Variants in NRXN3 observed in about 807,000 individuals in gnomAD.
NRXN3 encodes the protein neurexin 3, also known as neurexin III.
Under a neutral mutation model 137.6 loss-of-function variants are expected in NRXN3, and 32 were observed. The observed-to-expected ratio is 0.23, with a 90% CI of 0.18 to 0.31. The LOEUF (loss-of-function observed/expected upper bound fraction) is 0.31. Among genes scored for constraint, NRXN3 ranks in the 10% least tolerant of loss-of-function variants. The pLI is 1.00. For synonymous variants in NRXN3, 798 were observed against 784.5 expected (o/e 1.02, Z -0.29); for missense variants, 1,574 against 2,062.5 (o/e 0.76, Z 4.59).
intron 19 of NRXN3, among the ~76,000 whole-genome samples, chr14:79,726,829 G>A (rs2098892936): frequency 6.6e-6 from 1 of 152,120 alleles, no homozygotes; most frequent in South Asian, 2.1e-4. Flanking sequence ...GGTTCATATA[G>A]TATGACAGTT....
intron 5 of NRXN3, among the ~76,000 whole-genome samples, chr14:78,649,840 T>G (rs1048834065): frequency 6.6e-6 from 1 of 152,100 alleles, no homozygotes; most frequent in Non-Finnish European, 1.5e-5. Flanking sequence ...TTACCCTTCT[T>G]TTACTTTACT....
At chr14:79,537,504 T>A (rs1256407030) in intron 16 of NRXN3, among the ~76,000 whole-genome samples, 2 of 152,104 alleles carry the variant, frequency 1.3e-5, no homozygotes, top group Non-Finnish European at 2.9e-5. Flanking sequence ...TGTGTTCTCA[T>A]TGTTCAATTC....
At chr14:79,234,326 AT>A (rs1170673503) in intron 15 of NRXN3, among the ~76,000 whole-genome samples, 27 of 111,696 alleles carry the variant, frequency 2.4e-4, no homozygotes, top group South Asian at 2.0e-3. Flanking sequence ...ATATATATAT[AT>A]ATATATATAT....
At chr14:79,610,616 A>C (rs2098086919) in intron 16 of NRXN3, among the ~76,000 whole-genome samples, 1 of 152,206 alleles carries the variant, frequency 6.6e-6, no homozygotes, top group Admixed American at 6.5e-5. Flanking sequence ...ATAATATTTC[A>C]TACTTACAGG....
At chr14:78,797,329 A>G (rs1457351664) in intron 8 of NRXN3, among the ~76,000 whole-genome samples, 1 of 152,194 alleles carries the variant, frequency 6.6e-6, no homozygotes, top group Admixed American at 6.5e-5. Context: ...AAATTAGGAG[A>G]ATGCAAATAA....
chr14:79,582,578 G>A (rs899397231), intron 16 of NRXN3, among the ~76,000 whole-genome samples: 18 of 151,756 alleles, frequency 1.2e-4, no homozygotes, highest in South Asian at 6.3e-4. Flanking sequence ...GTGCCACCAC[G>A]CCCAGCAATT....
At chr14:79,209,756 G>T (rs957738628) in intron 15 of NRXN3, among the ~76,000 whole-genome samples, 1 of 152,192 alleles carries the variant, frequency 6.6e-6, no homozygotes, top group African/African-American at 2.4e-5. Context: ...GCACATGAAA[G>T]ATGTCTATAT....
At chr14:79,677,483 T>C (rs1445918177) in intron 17 of NRXN3, among the ~76,000 whole-genome samples, 3 of 152,084 alleles carry the variant, frequency 2.0e-5, no homozygotes, top group Non-Finnish European at 4.4e-5. Context: ...AATGAATAGC[T>C]GGATTAGTTT....
At chr14:78,717,564 A>G (rs1375812482) in intron 8 of NRXN3, among the ~76,000 whole-genome samples, 1 of 150,622 alleles carries the variant, frequency 6.6e-6, no homozygotes, top group East Asian at 1.9e-4. Flanking sequence ...AAATTATAGG[A>G]CTCTTCTCTG....
chr14:78,397,785 G>A (rs1266808621), intron 4 of NRXN3, among the ~76,000 whole-genome samples: 1 of 151,552 alleles, frequency 6.6e-6, no homozygotes. Context: ...TGTATTTTTA[G>A]TAGAGACAGG....
intron 15 of NRXN3, among the ~76,000 whole-genome samples, chr14:79,228,180 T>A (rs929469854): frequency 6.6e-6 from 1 of 152,152 alleles, no homozygotes; most frequent in Non-Finnish European, 1.5e-5. Context: ...TGACAGTTCT[T>A]GAGAGATAGC....
rs2093790829 is a variant in NRXN3, at chr14:78,429,427, C to A, written c.757+131567C>A. Among the ~76,000 whole-genome samples, 6 of 152,284 alleles carry A rather than the reference C, an allele frequency of 3.9e-5. No homozygotes were observed. In the South Asian group the frequency reaches 1.2e-3, roughly 32 times the overall value. ...CATGTGCTAGATATTGTTAGTTCCT[C>A]AGCTTTCTTCTTTTTAGTGTGGATA... On this transcript the variant is annotated intron_variant, in intron 4 of 20. Transcript: ENST00000335750.
At chr14:78,933,221 G>A (rs942254695) in intron 10 of NRXN3, among the ~76,000 whole-genome samples, 2 of 152,198 alleles carry the variant, frequency 1.3e-5, no homozygotes, top group Non-Finnish European at 2.9e-5. Context: ...ACAGAATGTG[G>A]CTCATAGTTG....
At chr14:79,446,527 C>T (rs1035407360) in intron 15 of NRXN3, among the ~76,000 whole-genome samples, 3 of 151,962 alleles carry the variant, frequency 2.0e-5, no homozygotes, top group African/African-American at 7.2e-5. Context: ...AAAACTTATC[C>T]TGTAAAGAAG....
At chr14:79,741,843 G>A (rs377584095) in intron 19 of NRXN3, among the ~76,000 whole-genome samples, 16 of 151,110 alleles carry the variant, frequency 1.1e-4, no homozygotes, top group Admixed American at 2.6e-4. Flanking sequence ...GTATGTATAC[G>A]TATATATCTG....
intron 4 of NRXN3, among the ~76,000 whole-genome samples, chr14:78,343,409 T>C (rs2082356246): frequency 6.6e-6 from 1 of 152,240 alleles, no homozygotes; most frequent in Non-Finnish European, 1.5e-5. Flanking sequence ...TCGCTCATGT[T>C]CTACCTTCCT....
chr14:78,607,042 A>G (rs932136214), intron 4 of NRXN3, among the ~76,000 whole-genome samples: 1 of 152,144 alleles, frequency 6.6e-6, no homozygotes, highest in Non-Finnish European at 1.5e-5. Context: ...CATAATTTCT[A>G]TGATCACAGC....
rs74639731 is a variant in NRXN3, at chr14:78,632,653, A to G, written c.758-12467A>G. 8.3e-3 allele frequency among the ~76,000 whole-genome samples: 1,262 copies of G among 152,302 alleles called. 85 individuals carry two copies. The East Asian group carries it at 0.18, about 22-fold the overall frequency. ...AAATGGGCTAGTAAAACTTTATTTC[A>G]CAGGGCTTTTGTGAGGGATAAATAA... On this transcript the variant is annotated intron_variant, in intron 4 of 20. Coordinates refer to ENST00000335750, the MANE Select transcript of NRXN3 (RefSeq NM_001330195.2).
intron 16 of NRXN3, among the ~76,000 whole-genome samples, chr14:79,596,460 A>G (rs2097859407): frequency 6.6e-6 from 1 of 152,162 alleles, no homozygotes; most frequent in South Asian, 2.1e-4. Context: ...TTCTGAACCA[A>G]GAGATCCCTG....
Sources: allele counts gnomAD v4.1 joint callset (sites outside exome capture counted in the v4.1 genomes callset), GRCh38; gene constraint gnomAD v4.1.1; transcripts MANE v1.5; gene names NCBI Gene and HGNC (gene_info 2026-07-23, HGNC 2026-07-21).